The following PACS2 variants were observed in gnomAD, a reference collection of about 807,000 sequenced individuals.
PACS2 encodes the protein PACS1-like protein.
PACS2 carries 36 observed loss-of-function variants against 113.0 expected under a neutral mutation model. The ratio of observed to expected loss-of-function variants is 0.32; its 90% CI spans 0.24 to 0.42. The LOEUF is 0.42. Among genes scored for constraint, PACS2 ranks in the 10% least tolerant of loss-of-function variants. The probability of loss-of-function intolerance (pLI) is 1.00; values close to 1 mark genes in which losing one functional copy is unlikely to be tolerated. For synonymous variants in PACS2, 589 were observed against 536.1 expected (o/e 1.10, Z -1.36); for missense variants, 1,015 against 1,239.5 (o/e 0.82, Z 2.72).
intron 3 of PACS2, among the ~76,000 whole-genome samples, chr14:105,352,901 G>GC (rs1555404415): frequency 1.6e-5 from 2 of 128,666 alleles, no homozygotes; most frequent in African/African-American, 3.1e-5. Context: ...TGGGGTGACG[G>GC]GCCCCCTCAT....
intron 4 of PACS2, among the ~76,000 whole-genome samples, chr14:105,360,786 A>C (rs974375248): frequency 6.6e-5 from 10 of 152,162 alleles, no homozygotes; most frequent in African/African-American, 2.4e-4. Flanking sequence ...GTACCATGTT[A>C]CCCACCATTA....
At chr14:105,374,838 A>T (rs2061290056) in intron 8 of PACS2, 1 of 152,270 alleles carries the variant, frequency 6.6e-6, no homozygotes, top group African/African-American at 2.4e-5. Context: ...AGGTTCTCAG[A>T]CACAGGATCA....
intron 3 of PACS2, among the ~76,000 whole-genome samples, chr14:105,353,599 T>C (rs2060319696): frequency 6.6e-6 from 1 of 152,088 alleles, no homozygotes; most frequent in Non-Finnish European, 1.5e-5. Context: ...TTTTCTTTGT[T>C]TTTTGTTTGT....
At chr14:105,347,450 C>G (rs1201994404) in intron 1 of PACS2, among the ~76,000 whole-genome samples, 1 of 152,150 alleles carries the variant, frequency 6.6e-6, no homozygotes, top group Middle Eastern at 3.2e-3. Context: ...CGTTCCATGG[C>G]CTGACTGTGT....
intron 1 of PACS2, among the ~76,000 whole-genome samples, chr14:105,326,726 C>G (rs375496314): frequency 6.6e-6 from 1 of 152,204 alleles, no homozygotes; most frequent in African/African-American, 2.4e-5. Context: ...GAGCTCTGGC[C>G]GTGAAGACCC....
At chr14:105,312,655 C>A (rs919658703), upstream of PACS2, among the ~76,000 whole-genome samples, 1 of 152,180 alleles carries the variant, frequency 6.6e-6, no homozygotes, top group Non-Finnish European at 1.5e-5. Context: ...AAGAGAAGGA[C>A]CAGCACAGCA....
chr14:105,362,550 T>C (rs971306004), intron 4 of PACS2, among the ~76,000 whole-genome samples: 12 of 151,936 alleles, frequency 7.9e-5, no homozygotes, highest in Admixed American at 3.9e-4. Flanking sequence ...ATACATTTTT[T>C]TTAAATAATA....
In PACS2 at chr14:105,366,405, C is replaced by T. The variant is rs1166659920; in HGVS notation, c.424-808C>T. 6.6e-6 allele frequency among the ~76,000 whole-genome samples: 1 copy of T among 152,170 alleles called. No individual in the cohort carries two copies. Among genetic ancestry groups the T allele is most frequent in the Non-Finnish European group, 1.5e-5 (1 of 68,034 alleles). ...AAAATCCTAACATCTGGATGTGAAC[C>T]GATAGCCCCAAAAGGCGGCTTCTAG... On this transcript the variant is annotated intron_variant, in intron 4 of 24. Coordinates refer to ENST00000447393, the MANE Select transcript of PACS2 (RefSeq NM_001100913.3). The surrounding 1 kb of genome is among the most constrained non-coding windows in gnomAD (Gnocchi z 4.3).
At chr14:105,394,328 C>G (rs2060329686) in intron 24 of PACS2, 1 of 985,350 alleles carries the variant, frequency 1.0e-6, no homozygotes. Flanking sequence ...TCCCCACCCC[C>G]CAGGGCTCTG....
intron 1 of PACS2, among the ~76,000 whole-genome samples, chr14:105,339,835 A>G (rs1279019216): frequency 6.6e-6 from 1 of 152,122 alleles, no homozygotes; most frequent in African/African-American, 2.4e-5. Context: ...AGTAGAGAGG[A>G]GTTTCACCAT....
intron 1 of PACS2, among the ~76,000 whole-genome samples, chr14:105,306,935 C>A (rs1467170109): frequency 1.3e-5 from 2 of 152,068 alleles, no homozygotes; most frequent in African/African-American, 4.8e-5. Flanking sequence ...GGTGCTTTGA[C>A]ATCTTGGGGT....
intron 10 of PACS2, 26 bp downstream of exon 10, chr14:105,379,855 A>G: frequency 6.2e-7 from 1 of 1,601,802 alleles, no homozygotes. Context: ...CTGATCTCCC[A>G]GAGCAGACCG....
intron 1 of PACS2, among the ~76,000 whole-genome samples, chr14:105,322,874 A>G (rs2058953464): frequency 6.6e-6 from 1 of 152,218 alleles, no homozygotes; most frequent in African/African-American, 2.4e-5. Flanking sequence ...GGATCTGCTG[A>G]TAACTACCTT....
intron 1 of PACS2, among the ~76,000 whole-genome samples, chr14:105,344,678 A>G (rs2059853645): frequency 6.6e-6 from 1 of 152,066 alleles, no homozygotes; most frequent in Non-Finnish European, 1.5e-5. Flanking sequence ...GGTTTTATGA[A>G]TTTTATTGAT....
At position 105,381,023 on chromosome 14, in the gene PACS2, C is replaced by A; in HGVS notation, c.1192C>A (p.Leu398Met). Residue 398 changes from leucine (L) to methionine (M), a missense_variant, in exon 12 of 25, where the codon CTG becomes ATG. Around this residue, in one of 3 missense-constraint regions of PACS2, gnomAD observed 859 missense variants for 1,056.8 expected, o/e 0.81. Coordinates refer to ENST00000447393, the MANE Select transcript of PACS2 (RefSeq NM_001100913.3). Reference sequence around the variant, plus strand: ...CAGCCCCGAGGCTGAGGCCTCCACCCTGGATGTGTTCACGGAGAGGCTGCC... The same window carrying A: ...CAGCCCCGAGGCTGAGGCCTCCACCATGGATGTGTTCACGGAGAGGCTGCC... ...EDSPEAEASTLDVFTERLPPS... is the reference protein window; with the variant it reads ...EDSPEAEASTMDVFTERLPPS... The A allele has an allele frequency of 6.2e-7, 1 of 1,612,538 alleles. No homozygotes were observed.
chr14:105,317,351 G>A lies in PACS2; in HGVS notation c.119+2314G>A, dbSNP rs144443814. Among the ~76,000 whole-genome samples the A allele has an allele frequency of 8.6e-4, 131 of 152,244 alleles. 1 individual carries two copies. The South Asian group carries it at 0.011, about 13-fold the overall frequency. ...GCAGGGCCTGTCTTAAGCATGTACC[G>A]CCAGCTACCAGGATTTATGGTGGGG... On this transcript the variant is annotated intron_variant, in intron 1 of 24. Coordinates refer to ENST00000447393, the MANE Select transcript of PACS2 (RefSeq NM_001100913.3). This position sits in a 1 kb window ranked among gnomAD's most constrained non-coding sequence, Gnocchi z 4.2.
chr14:105,314,191 G>C (rs1391908624), upstream of PACS2, among the ~76,000 whole-genome samples: 1 of 152,076 alleles, frequency 6.6e-6, no homozygotes, highest in Non-Finnish European at 1.5e-5. Context: ...GGGGGCGCGA[G>C]GGAGGGGCTC....
intron 1 of PACS2, among the ~76,000 whole-genome samples, chr14:105,327,100 G>T (rs587759781): frequency 1.3e-5 from 2 of 152,362 alleles, no homozygotes; most frequent in Admixed American, 6.5e-5. Context: ...CAGGTCCAGC[G>T]TCGCTGTCTC....
rs587734457 is a variant in PACS2, at chr14:105,378,953, G to A, written c.960-786G>A. 1.1e-4 allele frequency among the ~76,000 whole-genome samples: 16 copies of A among 152,242 alleles called. No homozygotes were observed. The East Asian group carries it at 1.9e-3, about 18-fold the overall frequency. On this transcript the variant is annotated intron_variant, in intron 9 of 24. Coordinates refer to ENST00000447393, the MANE Select transcript of PACS2 (RefSeq NM_001100913.3). ...TGGCCTGGATCTGCCTGAGTGGTCCGGAAAGGCATGGGTGGCCTGGATCAG... is the reference window on the plus strand; with the variant it reads ...TGGCCTGGATCTGCCTGAGTGGTCCAGAAAGGCATGGGTGGCCTGGATCAG...
Sources: gnomAD v4.1 joint callset for allele counts (sites outside exome capture counted in the v4.1 genomes callset) on GRCh38, gnomAD v4.1.1 for gene constraint, gnomAD v4.1.1 regional missense constraint, Gnocchi (gnomAD v3.1) non-coding constraint, MANE v1.5 for transcripts, NCBI Gene and HGNC (gene_info 2026-07-23, HGNC 2026-07-21) for gene names.